The following HS6ST3 variants were observed in gnomAD, a reference collection of about 807,000 sequenced individuals.
The protein encoded by HS6ST3 is heparan-sulfate 6-O-sulfotransferase 3.
HS6ST3 carries 12 observed loss-of-function variants against 36.7 expected under a neutral mutation model. The ratio of observed to expected loss-of-function variants is 0.33; its 90% CI spans 0.21 to 0.53. The LOEUF (loss-of-function observed/expected upper bound fraction) is 0.53. Among genes scored for constraint, HS6ST3 ranks in the 20% least tolerant of loss-of-function variants. The probability of loss-of-function intolerance (pLI) is 0.95; values close to 1 mark genes in which losing one functional copy is unlikely to be tolerated. For synonymous variants in HS6ST3, 240 were observed against 257.5 expected (o/e 0.93, Z 0.65); for missense variants, 584 against 640.9 (o/e 0.91, Z 0.96).
rs2055146322 is a variant in HS6ST3 at position 96,344,857 on chromosome 13, A to AGAT, written c.707+253291_707+253293dup. Reference sequence around the variant, plus strand: ...ACGAATGCCTGTTTTGCTCATAGATAGATGAGAAATCTTATGACATGATCT... The same window carrying AGAT: ...ACGAATGCCTGTTTTGCTCATAGATAGATGATGAGAAATCTTATGACATGATCT... On this transcript the variant is annotated intron_variant, in intron 1 of 1. Transcript: ENST00000376705. Among the ~76,000 whole-genome samples the AGAT allele has an allele frequency of 2.0e-5, 3 of 152,342 alleles. No homozygotes were observed. In the South Asian group the frequency reaches 6.2e-4, roughly 32 times the overall value.
chr13:96,296,832 C>T (rs181195525), intron 1 of HS6ST3, among the ~76,000 whole-genome samples: 44 of 152,130 alleles, frequency 2.9e-4, no homozygotes, highest in Admixed American at 2.6e-4. Context: ...TTTGCTATAT[C>T]GTCCCTTCTC....
intron 1 of HS6ST3, among the ~76,000 whole-genome samples, chr13:96,574,936 A>T (rs2056315425): frequency 6.6e-6 from 1 of 152,150 alleles, no homozygotes; most frequent in Non-Finnish European, 1.5e-5. Flanking sequence ...GACCAACAAG[A>T]AACAGTTTTA....
chr13:96,528,848 A>C (rs2056124925), intron 1 of HS6ST3, among the ~76,000 whole-genome samples: 1 of 152,188 alleles, frequency 6.6e-6, no homozygotes, highest in Non-Finnish European at 1.5e-5. Flanking sequence ...AAATGGATTA[A>C]ATGCAGAAGC....
chr13:96,211,630 T>A (rs2054399709), intron 1 of HS6ST3, among the ~76,000 whole-genome samples: 1 of 152,218 alleles, frequency 6.6e-6, no homozygotes, highest in Non-Finnish European at 1.5e-5. Context: ...TTAGATATTT[T>A]CTTATTCCAA....
intron 1 of HS6ST3, among the ~76,000 whole-genome samples, chr13:96,673,365 T>C (rs1325528336): frequency 1.3e-5 from 2 of 152,148 alleles, no homozygotes; most frequent in Non-Finnish European, 2.9e-5. Flanking sequence ...ACCGATATCT[T>C]CGGGTAGCTA....
chr13:96,607,508 T>G (rs1370394460), intron 1 of HS6ST3, among the ~76,000 whole-genome samples: 5 of 152,096 alleles, frequency 3.3e-5, no homozygotes, highest in African/African-American at 9.7e-5. Context: ...GTGGAGAACA[T>G]TAAATAAATA....
chr13:96,522,346 T>C (rs1008818706), intron 1 of HS6ST3, among the ~76,000 whole-genome samples: 7 of 152,156 alleles, frequency 4.6e-5, no homozygotes, highest in African/African-American at 1.7e-4. Flanking sequence ...GGTGGGGAGT[T>C]CTGTAGATGT....
chr13:96,295,883 TA>T (rs1040040903), intron 1 of HS6ST3, among the ~76,000 whole-genome samples: 24 of 152,186 alleles, frequency 1.6e-4, no homozygotes, highest in African/African-American at 5.8e-4. Context: ...TGGTTTCCCA[TA>T]CACAAATGCT....
intron 1 of HS6ST3, among the ~76,000 whole-genome samples, chr13:96,201,178 T>C (rs2054340214): frequency 6.6e-6 from 1 of 152,178 alleles, no homozygotes; most frequent in African/African-American, 2.4e-5. Context: ...AGGGGCTAAA[T>C]AGACGGATCG....
At chr13:96,216,912 C>T (rs567269502) in intron 1 of HS6ST3, among the ~76,000 whole-genome samples, 23 of 152,156 alleles carry the variant, frequency 1.5e-4, no homozygotes, top group Non-Finnish European at 2.5e-4. Context: ...AAGCACAGTC[C>T]GCTTTTCTGT....
chr13:96,651,028 T>C (rs932311309), intron 1 of HS6ST3, among the ~76,000 whole-genome samples: 22 of 152,090 alleles, frequency 1.4e-4, no homozygotes, highest in Non-Finnish European at 3.1e-4. Flanking sequence ...GTCATTATTT[T>C]CTTTCCAAAT....
rs1326944680 is a variant in HS6ST3 at position 96,799,971 on chromosome 13, T to TATAC, written c.708-32516_708-32515insCATA. On this transcript the variant is annotated intron_variant, in intron 1 of 1. Transcript: ENST00000376705. ...ATATATATATATATATATGTGTATA[T>TATAC]ATATATATATGTATATATATATATA... Among the ~76,000 whole-genome samples, 40 of 94,898 alleles carry TATAC rather than the reference T, an allele frequency of 4.2e-4. 1 individual carries two copies. Among genetic ancestry groups the TATAC allele is most frequent in the African/African-American group, 1.9e-3 (37 of 19,346 alleles). 62.3% of individuals were successfully genotyped at this position (94,898 alleles called of 152,430 possible). A position where few individuals can be genotyped will look rare whatever the true frequency, so the allele number is the denominator to read the frequency against.
intron 1 of HS6ST3, among the ~76,000 whole-genome samples, chr13:96,478,622 A>G (rs1394079892): frequency 1.3e-5 from 2 of 152,120 alleles, no homozygotes; most frequent in Non-Finnish European, 2.9e-5. Flanking sequence ...ATCAATAATA[A>G]TAATAACAAG....
intron 1 of HS6ST3, among the ~76,000 whole-genome samples, chr13:96,544,677 A>G (rs1275988226): frequency 6.6e-6 from 1 of 152,178 alleles, no homozygotes; most frequent in Non-Finnish European, 1.5e-5. Flanking sequence ...CAAAGTATGA[A>G]TATTTTTCAG....
chr13:96,404,688 A>G (rs1433362804), intron 1 of HS6ST3, among the ~76,000 whole-genome samples: 1 of 152,234 alleles, frequency 6.6e-6, no homozygotes, highest in African/African-American at 2.4e-5. Flanking sequence ...AAAAGCAGCA[A>G]AAACTTCACA....
intron 1 of HS6ST3, among the ~76,000 whole-genome samples, chr13:96,352,385 A>G (rs573846873): frequency 1.3e-5 from 2 of 152,284 alleles, no homozygotes; most frequent in East Asian, 1.9e-4. Context: ...GTTCATCCAC[A>G]TGGTGATGAT....
At position 96,500,979 on chromosome 13, in the gene HS6ST3, G is replaced by GCT. The variant is rs144806272; in HGVS notation, c.708-331498_708-331497dup. ...TTATAATGCAGTTTGGCAATCTCAA[G>GCT]CTCTCTCTCTCTCTTTTGTAGAGTG... On this transcript the variant is annotated intron_variant, in intron 1 of 1. Coordinates refer to ENST00000376705, the MANE Select transcript of HS6ST3 (RefSeq NM_153456.4). 6.6e-5 allele frequency among the ~76,000 whole-genome samples: 10 copies of GCT among 151,542 alleles called. No individual in the cohort carries two copies. The East Asian group carries it at 1.6e-3, about 24-fold the overall frequency.
chr13:96,497,253 G>A (rs567530380), intron 1 of HS6ST3, among the ~76,000 whole-genome samples: 21 of 152,250 alleles, frequency 1.4e-4, no homozygotes, highest in African/African-American at 5.1e-4. Flanking sequence ...CGTCTAGTGG[G>A]TATAGGACTG....
chr13:96,171,630 G>C lies in HS6ST3; in HGVS notation c.707+80061G>C, dbSNP rs142921919. Among the ~76,000 whole-genome samples the C allele has an allele frequency of 1.1e-3, 167 of 152,264 alleles. 2 individuals are homozygous for C. Among genetic ancestry groups the C allele is most frequent in the Non-Finnish European group, 8.2e-4 (56 of 68,002 alleles). ...TTTTTCTCTAACTCCTGTGGCAGAG[G>C]TTCTCAGAATTCATCAGTTCATGGA... is the stretch of plus-strand genomic sequence containing the variant. On this transcript the variant is annotated intron_variant, in intron 1 of 1. Transcript: ENST00000376705.
Sources: gnomAD v4.1 joint callset for allele counts (sites outside exome capture counted in the v4.1 genomes callset) on GRCh38, gnomAD v4.1.1 for gene constraint, MANE v1.5 for transcripts, NCBI Gene and HGNC (gene_info 2026-07-23, HGNC 2026-07-21) for gene names.